The following DNAH17 variants were observed in gnomAD, a reference collection of about 807,000 sequenced individuals.
DNAH17 encodes the protein dynein axonemal heavy chain 17, also known as axonemal beta dynein heavy chain 17.
Under a neutral mutation model 485.6 loss-of-function variants are expected in DNAH17, and 376 were observed. The ratio of observed to expected loss-of-function variants is 0.77; its 90% CI spans 0.71 to 0.84. The LOEUF (loss-of-function observed/expected upper bound fraction) is 0.84. Among genes scored for constraint, DNAH17 ranks in the 40% least tolerant of loss-of-function variants. The probability of loss-of-function intolerance (pLI) is 0.00; values close to 1 mark genes in which losing one functional copy is unlikely to be tolerated. For missense variants in DNAH17, 6,370 were observed against 5,839.3 expected, an observed-to-expected ratio of 1.09 and a Z score of -2.96; for synonymous variants, 3,031 against 2,405.9, an observed-to-expected ratio of 1.26 and a Z score of -7.60.
In DNAH17 at chr17:78,463,034, T is replaced by G. The variant is rs1373838574; in HGVS notation, c.8984A>C (p.His2995Pro). The G allele has an allele frequency of 1.9e-6, 3 of 1,613,840 alleles. No individual in the cohort carries two copies. The highest frequency in any genetic ancestry group is 1.3e-5 in the African/African-American group (1 of 74,900). ...ASISFFMSYV[H>P]TTVNEMSRVY... ...CCTGGACATCTCGTTGACGGTGGTG[T>G]GCACGTAGGACATGAAGAAGCTGAT... The change falls in exon 57 of 81, where the codon CAC becomes CCC. Residue 2995 changes from histidine (H) to proline (P), a missense_variant. By Grantham distance (77) the His-to-Pro change is moderately conservative. Coordinates refer to ENST00000389840, the MANE Select transcript of DNAH17 (RefSeq NM_173628.4).
intron 75 of DNAH17, among the ~76,000 whole-genome samples, chr17:78,432,968 C>G (rs1198411609): frequency 6.8e-6 from 1 of 146,072 alleles, no homozygotes; most frequent in Non-Finnish European, 1.5e-5. Context: ...CCTGGGAGTC[C>G]TCCAACCCCG....
In DNAH17 at chr17:78,475,651, C is replaced by A; in HGVS notation, c.8319+18G>T. 6.2e-7 allele frequency: 1 copy of A among 1,612,154 alleles called. No individual in the cohort carries two copies. The highest frequency in any genetic ancestry group is 1.1e-5 in the South Asian group (1 of 90,686). On this transcript the variant is annotated intron_variant, in intron 53 of 80. Transcript: ENST00000389840. ...GGTCCAGGTCCCGTGCCCTTGCTATCAGCTCCAGCCTGCTCACCAAATTCA... is the reference window on the plus strand; with the variant it reads ...GGTCCAGGTCCCGTGCCCTTGCTATAAGCTCCAGCCTGCTCACCAAATTCA...
chr17:78,444,319 G>A (rs892929060), intron 71 of DNAH17, among the ~76,000 whole-genome samples: 5 of 152,110 alleles, frequency 3.3e-5, no homozygotes, highest in African/African-American at 9.7e-5. Context: ...TCAGGTTAGC[G>A]GGGGACAAGG....
chr17:78,460,321 C>CGTGCATGTGT (rs71160298), intron 58 of DNAH17, 64 bp from the exon 59 acceptor site: 221,387 of 870,930 alleles, frequency 0.25, 41,164 homozygotes, highest in Admixed American at 0.42. Flanking sequence ...GGGGCGTGTA[C>CGTGCATGTGT]GTGCATGTGT....
chr17:78,433,913 A>AAGGG lies in DNAH17; in HGVS notation c.12225+112_12225+115dup, dbSNP rs1555650697. On this transcript the variant is annotated intron_variant, in intron 75 of 80. Coordinates refer to ENST00000389840, the MANE Select transcript of DNAH17 (RefSeq NM_173628.4). The stretch of plus-strand genomic sequence containing the variant: ...AAGCCTAAGACAAAGACCAAAAGGA[A>AAGGG]AGGGAGGGAAGGAAGGAGGGAGGGA... The AAGGG allele has an allele frequency of 5.9e-6, 3 of 507,722 alleles. No individual in the cohort carries two copies. In the Admixed American group the frequency reaches 2.0e-4, roughly 34 times the overall value. 31.5% of individuals were successfully genotyped at this position (507,722 alleles called of 1,614,324 possible).
chr17:78,533,354 G>A (rs1333929522), intron 19 of DNAH17, among the ~76,000 whole-genome samples: 1 of 152,170 alleles, frequency 6.6e-6, no homozygotes, highest in Non-Finnish European at 1.5e-5. Flanking sequence ...TGGCCCCGAG[G>A]AAATGGCCAT....
At chr17:78,502,032 G>T in intron 33 of DNAH17, 159 bp from the exon 34 acceptor site, 1 of 1,035,250 alleles carries the variant, frequency 9.7e-7, no homozygotes, top group East Asian at 2.6e-5. Flanking sequence ...CCAGGCACTG[G>T]TTTCACCAGG....
At chr17:78,547,789 T>C (rs1473742519) in intron 16 of DNAH17, among the ~76,000 whole-genome samples, 1 of 152,140 alleles carries the variant, frequency 6.6e-6, no homozygotes, top group African/African-American at 2.4e-5. Flanking sequence ...GGCTCCTTTT[T>C]GTATTTTTAG....
At chr17:78,550,021 C>T (rs181309492) in intron 16 of DNAH17, among the ~76,000 whole-genome samples, 19 of 152,240 alleles carry the variant, frequency 1.2e-4, no homozygotes, top group African/African-American at 4.8e-5. Context: ...GTGAAGAGAT[C>T]GAGAAGCCAC....
At chr17:78,475,621 G>T in intron 53 of DNAH17, 48 bp downstream of exon 53, 1 of 1,608,016 alleles carries the variant, frequency 6.2e-7, no homozygotes, top group Non-Finnish European at 8.5e-7. Context: ...CGGAGAGGGT[G>T]ACCCGGTCCA....
Position 78,450,389 on chromosome 17 carries a change from C to T in DNAH17, c.10905G>A (p.Val3635=), listed in dbSNP as rs774690252. The part of the protein sequence containing the change: ...HTASEIEEKV[V]EAKITEVKIN... ...TTTTAACTTCTGTGATTTTTGCCTC[C>T]ACCACCTCGACACAAACAAAAGGGG... The change falls in exon 68 of 81, where the codon GTG becomes GTA. Residue 3635 remains valine (V), a synonymous_variant. Transcript: ENST00000389840. 4.3e-6 allele frequency: 7 copies of T among 1,613,860 alleles called. No homozygotes were observed. In the East Asian group the frequency reaches 1.6e-4, roughly 36 times the overall value.
rs549021595 is a variant in DNAH17, at chr17:78,510,163, C to G, written c.4236+221G>C. ...TGCCACTGCACTCCAGCCTGGGCAACAGAGAGAGACTCTGTCTCAAAAACA... is the reference window on the plus strand; with the variant it reads ...TGCCACTGCACTCCAGCCTGGGCAAGAGAGAGAGACTCTGTCTCAAAAACA... On this transcript the variant is annotated intron_variant, in intron 27 of 80. Transcript: ENST00000389840. Among the ~76,000 whole-genome samples, 18 of 152,324 alleles carry G rather than the reference C, an allele frequency of 1.2e-4. No homozygotes were observed. In the East Asian group the frequency reaches 3.3e-3, roughly 28 times the overall value.
At chr17:78,440,129 C>G (rs2146455595) in intron 72 of DNAH17, among the ~76,000 whole-genome samples, 1 of 151,826 alleles carries the variant, frequency 6.6e-6, no homozygotes, top group African/African-American at 2.4e-5. Context: ...GAGACAAGCT[C>G]TCCCTGTGTT....
chr17:78,493,725 G>C (rs1168393881), intron 41 of DNAH17, among the ~76,000 whole-genome samples: 1 of 152,230 alleles, frequency 6.6e-6, no homozygotes, highest in African/African-American at 2.4e-5. Context: ...GGTGACAGGA[G>C]GGCGATGGGT....
intron 30 of DNAH17, among the ~76,000 whole-genome samples, chr17:78,506,234 C>T (rs932704546): frequency 2.0e-5 from 3 of 148,840 alleles, no homozygotes; most frequent in Non-Finnish European, 4.4e-5. Context: ...CTCTGCCTCT[C>T]GGGTTCAAGC....
In DNAH17 at chr17:78,530,403, C is replaced by T; in HGVS notation, c.3224G>A (p.Ser1075Asn). The change falls in exon 21 of 81, where the codon AGC becomes AAC. Residue 1075 changes from serine to asparagine, a missense_variant. Physicochemically the swap from Ser to Asn is conservative, Grantham distance 46. Coordinates refer to ENST00000389840, the MANE Select transcript of DNAH17 (RefSeq NM_173628.4). ...CATGAAGCCCCAGCGCCGGATTGTG[C>T]TGAGCAGGGCCTGCTTGAAGGGGCG... Reference protein sequence around the residue: ...DCRPFKQALLSTIRRWGFMFK... With the variant: ...DCRPFKQALLNTIRRWGFMFK... 2 of 1,613,586 alleles carry T rather than the reference C, an allele frequency of 1.2e-6. No individual in the cohort carries two copies.
intron 2 of DNAH17, among the ~76,000 whole-genome samples, chr17:78,573,886 G>A (rs749006788): frequency 1.4e-4 from 21 of 152,136 alleles, no homozygotes; most frequent in Non-Finnish European, 1.8e-4. Context: ...TGATGACCAG[G>A]AAGGATAAGG....
intron 48 of DNAH17, among the ~76,000 whole-genome samples, chr17:78,481,501 G>A (rs1214555478): frequency 6.6e-6 from 1 of 152,160 alleles, no homozygotes; most frequent in Admixed American, 6.6e-5. Context: ...GCAGGCTGGG[G>A]TTTATGTTCC....
rs1241378405 is a variant in DNAH17, at chr17:78,502,979, T to C, written c.4989A>G (p.Arg1663=). ...VEVWLNRVLD[R]MCSTLRHEIP... is the part of the protein sequence containing the mutation. ...TTTCGTGCCGGAGGGTAGAGCACAT[T>C]CGGTCCAGCACTCGATTCAGCCACA... The change falls in exon 32 of 81, where the codon CGA becomes CGG. Residue 1663 remains arginine (R), a synonymous_variant. Coordinates refer to ENST00000389840, the MANE Select transcript of DNAH17 (RefSeq NM_173628.4). The C allele has an allele frequency of 1.9e-6, 3 of 1,613,688 alleles. No homozygotes were observed. Among genetic ancestry groups the C allele is most frequent in the Non-Finnish European group, 2.5e-6 (3 of 1,179,858 alleles).
Sources: gnomAD v4.1 joint callset for allele counts (sites outside exome capture counted in the v4.1 genomes callset) on GRCh38, gnomAD v4.1.1 for gene constraint, MANE v1.5 for transcripts, NCBI Gene and HGNC (gene_info 2026-07-23, HGNC 2026-07-21) for gene names.